Variants in CCDC69 observed in about 807,000 individuals in gnomAD.
CCDC69 encodes the protein coiled-coil domain-containing protein 69.
A neutral mutation model predicts 40.3 loss-of-function variants in CCDC69; 38 were observed. The observed-to-expected ratio is 0.94, with a 90% confidence interval of 0.73 to 1.24. The LOEUF is 1.24. Ranked by LOEUF, CCDC69 falls within the 50% of genes most tolerant of loss-of-function variation. CCDC69 has a pLI of 0.00. For synonymous variants in CCDC69, 141 were observed against 138.9 expected (o/e 1.02, Z -0.11); for missense variants, 389 against 357.9 (o/e 1.09, Z -0.70).
rs1437210412 is a variant in CCDC69, at chr5:151,183,632, G to C, written c.714-18C>G. On this transcript the variant is annotated intron_variant, in intron 8 of 8. Transcript: ENST00000355417. ...ACAGCTGCCTGTGGATGCACACAGA[G>C]CCCAGGGTTGCCTACTGGGAGCAGC... is the stretch of plus-strand genomic sequence containing the variant. The C allele has an allele frequency of 6.3e-7, 1 of 1,588,550 alleles. No individual in the cohort carries two copies. Among genetic ancestry groups the C allele is most frequent in the South Asian group, 1.1e-5 (1 of 87,034 alleles).
At chr5:151,206,003 C>T (rs1010002859) in intron 1 of CCDC69, among the ~76,000 whole-genome samples, 9 of 152,308 alleles carry the variant, frequency 5.9e-5, no homozygotes, top group Admixed American at 2.6e-4. Context: ...CTGCAGCAGA[C>T]ATCAGCTGGG....
chr5:151,181,125 ACAT>A lies in CCDC69; in HGVS notation c.*2309_*2311del, dbSNP rs1260294645. 6.6e-6 allele frequency: 1 copy of A among 152,186 alleles called. No individual in the cohort carries two copies. The highest frequency in any genetic ancestry group is 1.5e-5 in the Non-Finnish European group (1 of 68,054). The allele number at this position is 152,186 out of a possible 1,614,324, so 9.4% of individuals were successfully genotyped here. On this transcript the variant is annotated 3_prime_UTR_variant, in exon 9 of 9. Coordinates refer to ENST00000355417, the MANE Select transcript of CCDC69 (RefSeq NM_015621.3). ...GTGAGGAGAAGTTGATCTCCTTCCC[ACAT>A]CCACCACAGGCTGCGTGAGGGAAGC...
chr5:151,223,243 T>C (rs1425543758), intron 1 of CCDC69, among the ~76,000 whole-genome samples: 2 of 152,168 alleles, frequency 1.3e-5, no homozygotes, highest in Non-Finnish European at 2.9e-5. Flanking sequence ...CCAAGGCCCC[T>C]TGGGGGAAGG....
intron 1 of CCDC69, among the ~76,000 whole-genome samples, chr5:151,218,388 T>G (rs1229514251): frequency 6.6e-6 from 1 of 152,196 alleles, no homozygotes; most frequent in African/African-American, 2.4e-5. Flanking sequence ...GGGAGGATGA[T>G]GCAGAGGACC....
At chr5:151,205,685 G>C (rs969227021) in intron 1 of CCDC69, among the ~76,000 whole-genome samples, 3 of 152,158 alleles carry the variant, frequency 2.0e-5, no homozygotes, top group Non-Finnish European at 4.4e-5. Flanking sequence ...TCTCATCCCT[G>C]TCAGGGAAAC....
At position 151,206,602 on chromosome 5, in the gene CCDC69, A is replaced by T. The variant is rs534099350; in HGVS notation, c.49-1127T>A. On this transcript the variant is annotated intron_variant, in intron 1 of 8. Transcript: ENST00000355417. ...AACTAATTAATGTATTTATTTTGAG[A>T]CTGAGTCTTGCTCTGTCGCCCAGGC... 6.6e-5 allele frequency among the ~76,000 whole-genome samples: 10 copies of T among 152,326 alleles called. No individual in the cohort carries two copies. In the East Asian group the frequency reaches 1.9e-3, roughly 29 times the overall value.
At chr5:151,204,475 G>A (rs980569529) in intron 2 of CCDC69, among the ~76,000 whole-genome samples, 1 of 152,166 alleles carries the variant, frequency 6.6e-6, no homozygotes, top group Non-Finnish European at 1.5e-5. Context: ...CCTATTACCA[G>A]GTAGCTCTGA....
intron 4 of CCDC69, 113 bp downstream of exon 4, chr5:151,198,884 G>T (rs1256076370): frequency 1.0e-5 from 8 of 793,832 alleles, no homozygotes; most frequent in Non-Finnish European, 1.8e-5. Context: ...TCAATTGCTT[G>T]TGGATCAGAC....
chr5:151,202,254 G>A (rs1291914963), intron 2 of CCDC69, among the ~76,000 whole-genome samples: 2 of 151,826 alleles, frequency 1.3e-5, no homozygotes, highest in African/African-American at 4.8e-5. Context: ...CCAGCTACTA[G>A]GGAGACCAAA....
intron 1 of CCDC69, among the ~76,000 whole-genome samples, chr5:151,212,506 G>C (rs1752968391): frequency 6.6e-6 from 1 of 152,216 alleles, no homozygotes; most frequent in African/African-American, 2.4e-5. Flanking sequence ...AAAGCAGACA[G>C]AGTCAGGGTA....
At chr5:151,215,754 G>T in intron 1 of CCDC69, 1 of 285,154 alleles carries the variant, frequency 3.5e-6, no homozygotes, top group East Asian at 1.0e-4. Context: ...TAATTCTACA[G>T]TAGCACTGTG....
Position 151,224,066 on chromosome 5 carries a change from T to G in CCDC69, c.-96A>C. On this transcript the variant is annotated 5_prime_UTR_variant, in exon 1 of 9. Transcript: ENST00000355417. ...CGCTGCCCGCTCCGCGCCCGCCGGC[T>G]GGGGCTGCCGGCGAGACCCTGAAAC... 2.7e-6 allele frequency: 3 copies of G among 1,132,046 alleles called. No individual in the cohort carries two copies. Among genetic ancestry groups the G allele is most frequent in the Non-Finnish European group, 3.6e-6 (3 of 822,722 alleles). The allele number at this position is 1,132,046 out of a possible 1,614,324, so 70.1% of individuals were successfully genotyped here. A position where few individuals can be genotyped will look rare whatever the true frequency, so the allele number is the denominator to read the frequency against.
At chr5:151,205,606 GCGCATTGGGCTGCCTCGCAGCC>G (rs1752843321) in intron 1 of CCDC69, 131 bp from the exon 2 acceptor site, 1 of 733,768 alleles carries the variant, frequency 1.4e-6, no homozygotes, top group African/African-American at 1.8e-5. Context: ...CCCCACGCCT[GCGCATTGGGCTGCCTCGCAGCC>G]CCAGGCAGCA....
chr5:151,198,291 G>GATCTATCTATCTATCTATCCATCT (rs1554089406), intron 4 of CCDC69, among the ~76,000 whole-genome samples: 37 of 141,824 alleles, frequency 2.6e-4, no homozygotes, highest in African/African-American at 8.7e-4. Context: ...GAATGAGATT[G>GATCTATCTATCTATCTATCCATCT]ATCTATCTAT....
At chr5:151,193,062 A>G (rs76963872) in intron 4 of CCDC69, among the ~76,000 whole-genome samples, 1,817 of 152,336 alleles carry the variant, frequency 0.012, 36 homozygotes, top group African/African-American at 0.04. Context: ...AAGGATGTAC[A>G]TAGGTTATAT....
At position 151,183,608 on chromosome 5, in the gene CCDC69, CA is replaced by C; in HGVS notation, c.719del (p.Leu240ArgfsTer168). 6.2e-7 allele frequency: 1 copy of C among 1,608,076 alleles called. No individual in the cohort carries two copies. The highest frequency in any genetic ancestry group is 8.5e-7 in the Non-Finnish European group (1 of 1,177,090). On this transcript the variant is annotated frameshift_variant, in exon 9 of 9. Transcript: ENST00000355417. LOFTEE classifies it high-confidence loss of function. ...SRNQVVLSRQ[L>X]SEDLLLTREA... ...CACGCGTGAGAAGCAGGTCTTCTGA[CA>C]GCTGCCTGTGGATGCACACAGAGCC...
chr5:151,196,428 A>G (rs556859768), intron 4 of CCDC69, among the ~76,000 whole-genome samples: 27 of 152,326 alleles, frequency 1.8e-4, no homozygotes, highest in Non-Finnish European at 3.5e-4. Flanking sequence ...AAGTGCTGGT[A>G]TTACAGGTGT....
chr5:151,184,506 T>C, intron 7 of CCDC69, 65 bp from the exon 8 acceptor site: 1 of 974,354 alleles, frequency 1.0e-6, no homozygotes, highest in Non-Finnish European at 1.6e-6. Flanking sequence ...TGCTGTCACC[T>C]CCCTCTTATC....
intron 1 of CCDC69, among the ~76,000 whole-genome samples, chr5:151,206,210 G>A (rs79254410): frequency 0.028 from 4,252 of 152,266 alleles, 176 homozygotes; most frequent in African/African-American, 0.096. Flanking sequence ...AGGATAGTAC[G>A]AAGGATGCAG....
Sources: gnomAD v4.1 joint callset for allele counts (sites outside exome capture counted in the v4.1 genomes callset) on GRCh38, gnomAD v4.1.1 for gene constraint, MANE v1.5 for transcripts, NCBI Gene and HGNC (gene_info 2026-07-23, HGNC 2026-07-21) for gene names.